CTNNBL1: variants seen among roughly 807,000 people sequenced by gnomAD.
CTNNBL1 encodes beta-catenin-like protein 1.
A neutral mutation model predicts 72.7 loss-of-function variants in CTNNBL1; 31 were observed. The ratio of observed to expected loss-of-function variants is 0.43; its 90% CI spans 0.32 to 0.58. CTNNBL1 has a LOEUF of 0.58. Ranked by LOEUF, CTNNBL1 falls within the 20% of genes least tolerant of loss-of-function variation. CTNNBL1 has a pLI of 0.08. For synonymous variants in CTNNBL1, 240 were observed against 267.3 expected, an observed-to-expected ratio of 0.90 and a Z score of 1.00; for missense variants, 534 against 725.1, an observed-to-expected ratio of 0.74 and a Z score of 3.03.
chr20:37,815,765 T>A lies in CTNNBL1; in HGVS notation c.1213+12717T>A, dbSNP rs562841168. ...AGATGCCTTTCAAATGGTATTTTTT[T>A]AAAATGTGTGAATACTTGAATGTGT... On this transcript the variant is annotated intron_variant, in intron 11 of 15. Coordinates refer to ENST00000361383, the MANE Select transcript of CTNNBL1 (RefSeq NM_030877.5). 2.8e-4 allele frequency among the ~76,000 whole-genome samples: 42 copies of A among 152,314 alleles called. No homozygotes were observed. In the South Asian group the frequency reaches 3.7e-3, roughly 14 times the overall value.
At chr20:37,729,620 C>G (rs547068421) in intron 1 of CTNNBL1, among the ~76,000 whole-genome samples, 5 of 152,248 alleles carry the variant, frequency 3.3e-5, no homozygotes, top group Admixed American at 3.3e-4. Flanking sequence ...GGAGCTCATG[C>G]CTTAACTTGG....
At chr20:37,763,629 C>T (rs1164573704) in intron 5 of CTNNBL1, among the ~76,000 whole-genome samples, 3 of 152,142 alleles carry the variant, frequency 2.0e-5, no homozygotes, top group African/African-American at 7.2e-5. Flanking sequence ...TGAATTGTGT[C>T]TATAGAATAC....
intron 1 of CTNNBL1, among the ~76,000 whole-genome samples, chr20:37,723,173 G>T (rs1484099404): frequency 2.6e-5 from 4 of 152,190 alleles, no homozygotes; most frequent in African/African-American, 9.7e-5. Context: ...ACACCCTTTG[G>T]TGGTGAGATG....
chr20:37,789,090 C>T (rs1287242767), intron 10 of CTNNBL1, among the ~76,000 whole-genome samples: 1 of 152,046 alleles, frequency 6.6e-6, no homozygotes, highest in Non-Finnish European at 1.5e-5. Flanking sequence ...GGGTAGCCAT[C>T]CTAGAGTACA....
chr20:37,825,476 A>G (rs762134986), intron 11 of CTNNBL1, among the ~76,000 whole-genome samples: 1 of 152,116 alleles, frequency 6.6e-6, no homozygotes, highest in Non-Finnish European at 1.5e-5. Flanking sequence ...GGAGTTCAAG[A>G]CAAGCCTGCC....
intron 5 of CTNNBL1, among the ~76,000 whole-genome samples, chr20:37,761,660 A>G (rs1003781186): frequency 6.6e-6 from 1 of 152,246 alleles, no homozygotes; most frequent in African/African-American, 2.4e-5. Context: ...GCTTTTGTGG[A>G]GCTCACAAGG....
intron 10 of CTNNBL1, among the ~76,000 whole-genome samples, chr20:37,794,300 AT>A (rs1309275801): frequency 6.6e-6 from 1 of 151,780 alleles, no homozygotes; most frequent in Non-Finnish European, 1.5e-5. Flanking sequence ...GACTAAAAAA[AT>A]ATTTGCCTTC....
At position 37,738,509 on chromosome 20, in the gene CTNNBL1, A is replaced by G. The variant is rs1600454598; in HGVS notation, c.326+1025A>G. Among the ~76,000 whole-genome samples the G allele has an allele frequency of 1.3e-5, 2 of 151,226 alleles. 1 individual carries two copies. Among genetic ancestry groups the G allele is most frequent in the Middle Eastern group, 6.8e-3 (2 of 294 alleles). On this transcript the variant is annotated intron_variant, in intron 3 of 15. Coordinates refer to ENST00000361383, the MANE Select transcript of CTNNBL1 (RefSeq NM_030877.5). ...CATTTATACGATTTTAATGTTCTAA[A>G]CCTCTCTTTCTTTCCCTATCTTTGT...
chr20:37,830,199 CTTT>C (rs2122789174), intron 11 of CTNNBL1, among the ~76,000 whole-genome samples: 1 of 152,060 alleles, frequency 6.6e-6, no homozygotes, highest in Non-Finnish European at 1.5e-5. Context: ...AGGTATACCA[CTTT>C]TTGTTTTGAT....
chr20:37,753,673 G>A (rs2073339390), intron 4 of CTNNBL1, among the ~76,000 whole-genome samples: 2 of 152,288 alleles, frequency 1.3e-5, no homozygotes, highest in East Asian at 1.9e-4. Context: ...GGCATTCTGT[G>A]GGAAGACAAT....
chr20:37,728,134 A>G lies in CTNNBL1; in HGVS notation c.31-4745A>G, dbSNP rs566264958. On this transcript the variant is annotated intron_variant, in intron 1 of 15. Transcript: ENST00000361383. ...GAAATCCCCTAGGCCTGTGCTGTTCAGTACTATAGCCACTGGCCTCATATG... is the reference window on the plus strand; with the variant it reads ...GAAATCCCCTAGGCCTGTGCTGTTCGGTACTATAGCCACTGGCCTCATATG... Among the ~76,000 whole-genome samples, 9 of 152,348 alleles carry G rather than the reference A, an allele frequency of 5.9e-5. No individual in the cohort carries two copies. The South Asian group carries it at 1.9e-3, about 32-fold the overall frequency.
At chr20:37,771,577 T>TC (rs1221334930) in intron 7 of CTNNBL1, among the ~76,000 whole-genome samples, 1 of 152,122 alleles carries the variant, frequency 6.6e-6, no homozygotes, top group African/African-American at 2.4e-5. Context: ...CCTTTTTTTT[T>TC]TTTTAAACCT....
At chr20:37,724,381 T>G (rs2073065636) in intron 1 of CTNNBL1, among the ~76,000 whole-genome samples, 1 of 152,132 alleles carries the variant, frequency 6.6e-6, no homozygotes, top group Non-Finnish European at 1.5e-5. Context: ...TTTTTTTAAA[T>G]GTGAGCGAGA....
intron 10 of CTNNBL1, among the ~76,000 whole-genome samples, chr20:37,792,996 T>G (rs1021780714): frequency 1.3e-5 from 2 of 152,246 alleles, no homozygotes; most frequent in Non-Finnish European, 2.9e-5. Flanking sequence ...TTCATTGTGG[T>G]CAGAGAACAT....
chr20:37,768,154 G>A, intron 7 of CTNNBL1, 110 bp downstream of exon 7: 1 of 840,762 alleles, frequency 1.2e-6, no homozygotes, highest in Non-Finnish European at 1.9e-6. Flanking sequence ...TCTAGTTTGG[G>A]AAGCTTCTGG....
chr20:37,859,173 A>G (rs1340792763), intron 13 of CTNNBL1, among the ~76,000 whole-genome samples: 1 of 152,100 alleles, frequency 6.6e-6, no homozygotes, highest in East Asian at 1.9e-4. Context: ...CCTGGCCAAC[A>G]TGGAGAACTC....
At chr20:37,737,225 A>AAAAAC (rs2073178698) in intron 2 of CTNNBL1, among the ~76,000 whole-genome samples, 153 bp from the exon 3 acceptor site, 2 of 152,174 alleles carry the variant, frequency 1.3e-5, no homozygotes, top group African/African-American at 4.8e-5. Context: ...CTCCATCTCA[A>AAAAAC]AAAACAAAAC....
intron 1 of CTNNBL1, among the ~76,000 whole-genome samples, chr20:37,699,562 A>G (rs1226526066): frequency 6.6e-6 from 1 of 152,234 alleles, no homozygotes; most frequent in Admixed American, 6.5e-5. Flanking sequence ...TTTAAAGTTG[A>G]AGTATAGTCC....
At chr20:37,748,364 G>T (rs993267426) in intron 4 of CTNNBL1, among the ~76,000 whole-genome samples, 6 of 152,162 alleles carry the variant, frequency 3.9e-5, no homozygotes, top group Non-Finnish European at 8.8e-5. Flanking sequence ...TTATGACTTT[G>T]TTCACCAGGG....
Sources: allele counts gnomAD v4.1 joint callset (sites outside exome capture counted in the v4.1 genomes callset), GRCh38; gene constraint gnomAD v4.1.1; transcripts MANE v1.5; gene names NCBI Gene and HGNC (gene_info 2026-07-23, HGNC 2026-07-21).